The following AGBL4 variants were observed in gnomAD, a reference collection of about 807,000 sequenced individuals.
AGBL4 encodes the protein cytosolic carboxypeptidase 6.
AGBL4 carries 58 observed loss-of-function variants against 66.4 expected under a neutral mutation model. The observed-to-expected ratio is 0.87, with a 90% confidence interval of 0.71 to 1.09. AGBL4 has a LOEUF of 1.09. AGBL4 is among the 50% of genes least tolerant of loss of function. AGBL4 has a pLI of 0.00. For missense variants in AGBL4, 579 were observed against 631.0 expected (o/e 0.92, Z 0.88); for synonymous variants, 234 against 222.9 (o/e 1.05, Z -0.44).
intron 11 of AGBL4, among the ~76,000 whole-genome samples, chr1:48,541,239 G>A (rs1360360660): frequency 6.6e-6 from 1 of 152,174 alleles, no homozygotes; most frequent in African/African-American, 2.4e-5. Flanking sequence ...TACTGGGTAA[G>A]TCTTCCTTGG....
At chr1:49,770,073 C>A (rs1307467041) in intron 2 of AGBL4, among the ~76,000 whole-genome samples, 2 of 152,146 alleles carry the variant, frequency 1.3e-5, no homozygotes, top group African/African-American at 4.8e-5. Context: ...GGCGCGGTGA[C>A]TCACGCCTGT....
intron 6 of AGBL4, among the ~76,000 whole-genome samples, chr1:48,811,299 A>G (rs893708872): frequency 6.6e-6 from 1 of 152,176 alleles, no homozygotes; most frequent in South Asian, 2.1e-4. Flanking sequence ...ACATTGGTAC[A>G]TAGTTTATCT....
At chr1:48,769,591 A>G (rs1644709358) in intron 6 of AGBL4, among the ~76,000 whole-genome samples, 1 of 149,806 alleles carries the variant, frequency 6.7e-6, no homozygotes, top group Admixed American at 6.6e-5. Context: ...TTAAACTTGT[A>G]TGCTCCTTCC....
chr1:50,008,081 G>T (rs1226428542), intron 1 of AGBL4, among the ~76,000 whole-genome samples: 3 of 152,144 alleles, frequency 2.0e-5, no homozygotes, highest in Non-Finnish European at 4.4e-5. Flanking sequence ...AATAGCTACA[G>T]ACTTCATTCA....
At chr1:48,776,472 C>A in intron 6 of AGBL4, 1 of 666,912 alleles carries the variant, frequency 1.5e-6, no homozygotes, top group Non-Finnish European at 2.3e-6. Flanking sequence ...AATGAAATGC[C>A]CAGAGGACGG....
chr1:48,624,113 A>G (rs1041574520), intron 9 of AGBL4, among the ~76,000 whole-genome samples: 1 of 152,216 alleles, frequency 6.6e-6, no homozygotes, highest in African/African-American at 2.4e-5. Context: ...TGGAGATTCT[A>G]TGTGGGTGGA....
At chr1:48,608,835 C>A (rs557134217) in intron 9 of AGBL4, among the ~76,000 whole-genome samples, 1 of 152,116 alleles carries the variant, frequency 6.6e-6, no homozygotes, top group Admixed American at 6.5e-5. Flanking sequence ...TGAAAAAAAA[C>A]CAAACACCCG....
At chr1:49,072,357 G>C (rs1372152918) in intron 4 of AGBL4, among the ~76,000 whole-genome samples, 1 of 152,148 alleles carries the variant, frequency 6.6e-6, no homozygotes, top group Non-Finnish European at 1.5e-5. Context: ...TTACAATGTG[G>C]CATGTTTTGC....
At chr1:49,176,057 G>A (rs570971654) in intron 4 of AGBL4, among the ~76,000 whole-genome samples, 2 of 152,188 alleles carry the variant, frequency 1.3e-5, no homozygotes, top group East Asian at 1.9e-4. Context: ...AGGAGAAAAC[G>A]ATAGACTTGT....
At chr1:49,864,661 A>C (rs1646657422) in intron 1 of AGBL4, among the ~76,000 whole-genome samples, 1 of 152,160 alleles carries the variant, frequency 6.6e-6, no homozygotes, top group South Asian at 2.1e-4. Context: ...TGATCTGTGC[A>C]ACCCATGGAT....
chr1:48,808,227 A>C (rs1645971822), intron 6 of AGBL4, among the ~76,000 whole-genome samples: 1 of 152,212 alleles, frequency 6.6e-6, no homozygotes, highest in South Asian at 2.1e-4. Context: ...GCTGCTTACC[A>C]GATACATTGA....
At chr1:49,991,379 T>C (rs1323667102) in intron 1 of AGBL4, among the ~76,000 whole-genome samples, 1 of 152,190 alleles carries the variant, frequency 6.6e-6, no homozygotes, top group Non-Finnish European at 1.5e-5. Flanking sequence ...TTCTTATGCA[T>C]CTGCATACAT....
At chr1:48,756,630 C>T (rs1055832489) in intron 6 of AGBL4, among the ~76,000 whole-genome samples, 24 of 152,154 alleles carry the variant, frequency 1.6e-4, no homozygotes, top group Non-Finnish European at 2.5e-4. Flanking sequence ...GAATCCAAGC[C>T]GTGAAAACAT....
At chr1:49,204,218 T>C (rs982376601) in intron 4 of AGBL4, among the ~76,000 whole-genome samples, 3 of 152,270 alleles carry the variant, frequency 2.0e-5, no homozygotes, top group African/African-American at 7.2e-5. Flanking sequence ...GTGTAGGCTA[T>C]GTAAAGGAGT....
intron 4 of AGBL4, among the ~76,000 whole-genome samples, chr1:49,090,249 A>G (rs1557632119): frequency 6.6e-6 from 1 of 152,162 alleles, no homozygotes; most frequent in Non-Finnish European, 1.5e-5. Flanking sequence ...CAATCAGGCA[A>G]GAGAACAAAA....
chr1:49,089,470 C>A lies in AGBL4; in HGVS notation c.378-43670G>T, dbSNP rs141270504. Among the ~76,000 whole-genome samples, 55 of 152,194 alleles carry A rather than the reference C, an allele frequency of 3.6e-4. 1 individual carries two copies. The East Asian group carries it at 0.01, about 28-fold the overall frequency. ...AAAACCTCAGAAACTACTATGAACT[C>A]CTCTGTGCACACAAGCTAGAACATC... On this transcript the variant is annotated intron_variant, in intron 4 of 13. Coordinates refer to ENST00000371839, the MANE Select transcript of AGBL4 (RefSeq NM_032785.4).
intron 3 of AGBL4, among the ~76,000 whole-genome samples, chr1:49,508,047 A>T (rs1210473525): frequency 1.3e-5 from 2 of 151,998 alleles, no homozygotes; most frequent in African/African-American, 4.8e-5. Flanking sequence ...TGGTAAGCAA[A>T]AATAAACATA....
chr1:49,908,319 G>A (rs1283576120), intron 1 of AGBL4, among the ~76,000 whole-genome samples: 1 of 152,148 alleles, frequency 6.6e-6, no homozygotes, highest in African/African-American at 2.4e-5. Flanking sequence ...GGAAGTGACT[G>A]GATCATGGGG....
chr1:49,773,767 G>A (rs532923062), intron 2 of AGBL4, among the ~76,000 whole-genome samples: 3 of 152,168 alleles, frequency 2.0e-5, no homozygotes, highest in Non-Finnish European at 4.4e-5. Context: ...CCTCTCCAAC[G>A]GAGTGGTGCT....
Sources: gnomAD v4.1 joint callset for allele counts (sites outside exome capture counted in the v4.1 genomes callset) on GRCh38, gnomAD v4.1.1 for gene constraint, MANE v1.5 for transcripts, NCBI Gene and HGNC (gene_info 2026-07-23, HGNC 2026-07-21) for gene names.